TYK2: variants seen among roughly 807,000 people sequenced by gnomAD.
TYK2 encodes tyrosine kinase 2, also known as non-receptor tyrosine-protein kinase TYK2.
Under a neutral mutation model 130.9 loss-of-function variants are expected in TYK2, and 65 were observed. The observed-to-expected ratio is 0.50, with a 90% CI of 0.41 to 0.61. TYK2 has a LOEUF of 0.61. TYK2 is among the 20% of genes least tolerant of loss of function. The pLI is 0.00. For synonymous variants in TYK2, 647 were observed against 658.9 expected, an observed-to-expected ratio of 0.98 and a Z score of 0.28; for missense variants, 1,378 against 1,610.7, an observed-to-expected ratio of 0.86 and a Z score of 2.47.
In TYK2 at chr19:10,361,984, C is replaced by T; in HGVS notation, c.1774-29G>A. 1 of 1,613,974 alleles carries T rather than the reference C, an allele frequency of 6.2e-7. No individual in the cohort carries two copies. Among genetic ancestry groups the T allele is most frequent in the African/African-American group, 1.3e-5 (1 of 75,028 alleles). On this transcript the variant is annotated intron_variant, in intron 12 of 24. Coordinates refer to ENST00000525621, the MANE Select transcript of TYK2 (RefSeq NM_003331.5). The surrounding 1 kb of genome is among the most constrained non-coding windows in gnomAD (Gnocchi z 4.0). ...CGGGATCATGTGGCACAGAATACCG[C>T]CATGGTGAAAGTTAGCAGCTGATCT... is the stretch of plus-strand genomic sequence containing the variant.
Position 10,350,814 on chromosome 19 carries a change from G to A in TYK2, c.*20C>T, listed in dbSNP as rs765558684. The A allele has an allele frequency of 2.5e-6, 4 of 1,612,420 alleles. No homozygotes were observed. Among genetic ancestry groups the A allele is most frequent in the Non-Finnish European group, 3.4e-6 (4 of 1,179,942 alleles). On this transcript the variant is annotated 3_prime_UTR_variant, in exon 25 of 25. Transcript: ENST00000525621. Reference sequence around the variant, plus strand: ...GCCACTGCCTGGTCCAGTCCTCCCAGGCAGGGCTGCCATTGTGCCTCAGCA... The same window carrying A: ...GCCACTGCCTGGTCCAGTCCTCCCAAGCAGGGCTGCCATTGTGCCTCAGCA...
At chr19:10,357,741 G>C (rs746436487) in intron 17 of TYK2, 23 bp downstream of exon 17, 9 of 1,588,044 alleles carry the variant, frequency 5.7e-6, no homozygotes, top group Non-Finnish European at 6.9e-6. Context: ...TGCGGGGAGG[G>C]CCCAAGGGTC....
rs541104349 is a variant in TYK2 at position 10,362,425 on chromosome 19, C to T, written c.1508G>A (p.Arg503Gln). The T allele has an allele frequency of 1.4e-5, 23 of 1,608,262 alleles. No homozygotes were observed. The African/African-American group carries it at 1.5e-4, about 10-fold the overall frequency. ...APDGMQSLRLRKFPIEQQDGA... is the reference protein window; with the variant it reads ...APDGMQSLRLQKFPIEQQDGA... Reference sequence around the variant, plus strand: ...GTCCTGCTGCTCAATGGGGAACTTTCGGAGCCGCAAGCTCTGCATGCCGTC... The same window carrying T: ...GTCCTGCTGCTCAATGGGGAACTTTTGGAGCCGCAAGCTCTGCATGCCGTC... Residue 503 changes from arginine to glutamine, a missense_variant, in exon 11 of 25, where the codon CGA becomes CAA. Coordinates refer to ENST00000525621, the MANE Select transcript of TYK2 (RefSeq NM_003331.5).
intron 3 of TYK2, among the ~76,000 whole-genome samples, chr19:10,373,860 C>T (rs12720229): frequency 6.6e-6 from 1 of 151,990 alleles, no homozygotes; most frequent in African/African-American, 2.4e-5. Context: ...CCCCAGTCAC[C>T]CTGAAGGTCT....
Position 10,353,935 on chromosome 19 carries a change from G to T in TYK2, c.2908+107C>A. 2 of 1,224,538 alleles carry T rather than the reference G, an allele frequency of 1.6e-6. No individual in the cohort carries two copies. The highest frequency in any genetic ancestry group is 1.2e-6 in the Non-Finnish European group (1 of 847,116). The allele number at this position is 1,224,538 out of a possible 1,614,324, so 75.9% of individuals were successfully genotyped here. A position where few individuals can be genotyped will look rare whatever the true frequency, so the allele number is the denominator to read the frequency against. On this transcript the variant is annotated intron_variant, in intron 20 of 24. Coordinates refer to ENST00000525621, the MANE Select transcript of TYK2 (RefSeq NM_003331.5). This position sits in a 1 kb window ranked among gnomAD's most constrained non-coding sequence, Gnocchi z 6.9. ...CAAGAACCGCGTACTGCAGCCTGGG[G>T]TTGAGAGTCTCTAATTGGCTAGGCC...
rs1262559015 is a variant in TYK2 at position 10,365,663 on chromosome 19, C to T, written c.865G>A (p.Glu289Lys). Residue 289 changes from glutamate (E) to lysine (K), a missense_variant, in exon 7 of 25, where the codon GAG becomes AAG. Transcript: ENST00000525621. ...HLRLLAQAEG[E>K]PCYIRDSGVA... is the part of the protein sequence containing the mutation. Reference sequence around the variant, plus strand: ...CCACTGTCCCGGATGTAGCAGGGCTCCCCCTCGGCCTGGGCCAGCAGCCTC... The same window carrying T: ...CCACTGTCCCGGATGTAGCAGGGCTTCCCCTCGGCCTGGGCCAGCAGCCTC... 1 of 1,613,456 alleles carries T rather than the reference C, an allele frequency of 6.2e-7. No individual in the cohort carries two copies. Among genetic ancestry groups the T allele is most frequent in the Non-Finnish European group, 8.5e-7 (1 of 1,179,828 alleles).
At chr19:10,370,684 G>T (rs1452114670) in intron 3 of TYK2, among the ~76,000 whole-genome samples, 1 of 151,672 alleles carries the variant, frequency 6.6e-6, no homozygotes, top group South Asian at 2.1e-4. Flanking sequence ...TGGGTGTGGG[G>T]GTGAGCACCT....
chr19:10,353,795 TC>T lies in TYK2; in HGVS notation c.2909-150del. 1.5e-6 allele frequency: 1 copy of T among 687,190 alleles called. No individual in the cohort carries two copies. The highest frequency in any genetic ancestry group is 2.4e-6 in the Non-Finnish European group (1 of 413,264). 42.6% of individuals were successfully genotyped at this position (687,190 alleles called of 1,614,324 possible). On this transcript the variant is annotated intron_variant, in intron 20 of 24. Coordinates refer to ENST00000525621, the MANE Select transcript of TYK2 (RefSeq NM_003331.5). The surrounding 1 kb of genome is among the most constrained non-coding windows in gnomAD (Gnocchi z 6.9). ...CCAGTTCTCAGGTGGGATGGACCCA[TC>T]CAGAACCCCATTCTCACTTGAGGGA... is the stretch of plus-strand genomic sequence containing the variant.
At chr19:10,375,983 CAGG>C (rs1599366086) in intron 3 of TYK2, among the ~76,000 whole-genome samples, 1 of 150,130 alleles carries the variant, frequency 6.7e-6, no homozygotes, top group East Asian at 1.9e-4. Context: ...ATTTCCTGTG[CAGG>C]AGGAGGGAAA....
intron 9 of TYK2, among the ~76,000 whole-genome samples, chr19:10,363,610 C>A (rs2041514990): frequency 6.6e-6 from 1 of 152,154 alleles, no homozygotes; most frequent in African/African-American, 2.4e-5. Context: ...AAGGGTGACA[C>A]ACGGTGGATG....
Position 10,357,842 on chromosome 19 carries a change from G to C in TYK2, c.2388C>G (p.Asp796Glu). The C allele has an allele frequency of 1.2e-6, 2 of 1,613,630 alleles. No homozygotes were observed. The highest frequency in any genetic ancestry group is 1.1e-5 in the South Asian group (1 of 91,090). The change falls in exon 17 of 25, where the codon GAC becomes GAG. Residue 796 changes from aspartate to glutamate, a missense_variant. By Grantham distance (45) the Asp-to-Glu change is conservative (BLOSUM62 2). Coordinates refer to ENST00000525621, the MANE Select transcript of TYK2 (RefSeq NM_003331.5). ...GGANSLSTAM[D>E]KWGFGATLLE... Reference sequence around the variant, plus strand: ...GGAGGGTGGCGCCAAACCCCCACTTGTCCATGGCGGTGCTTAGGCTGTTGG... The same window carrying C: ...GGAGGGTGGCGCCAAACCCCCACTTCTCCATGGCGGTGCTTAGGCTGTTGG...
At position 10,358,077 on chromosome 19, in the gene TYK2, C is replaced by A; in HGVS notation, c.2237G>T (p.Gly746Val). The A allele has an allele frequency of 6.2e-7, 1 of 1,613,020 alleles. No individual in the cohort carries two copies. Among genetic ancestry groups the A allele is most frequent in the Non-Finnish European group, 8.5e-7 (1 of 1,179,810 alleles). ...CGRNILLARL[G>V]LAEGTSPFIK... ...GAAGGGGCTGGTGCCCTCTGCCAAC[C>A]CCAGCCGGGCCAGCAGGATGTTCCG... Residue 746 changes from glycine (G) to valine (V), a missense_variant, in exon 16 of 25, where the codon GGG becomes GTG. Coordinates refer to ENST00000525621, the MANE Select transcript of TYK2 (RefSeq NM_003331.5).
In TYK2 at chr19:10,353,368, GC is replaced by G. The variant is rs1469980194; in HGVS notation, c.3027+159del. Reference sequence around the variant, plus strand: ...TGGTCCCTTGGGAGGAGGGGGTGTGGCCAAGCAAGCCAAACAGTTCGGAGGT... The same window carrying G: ...TGGTCCCTTGGGAGGAGGGGGTGTGGCAAGCAAGCCAAACAGTTCGGAGGT... On this transcript the variant is annotated intron_variant, in intron 21 of 24. Transcript: ENST00000525621. The surrounding 1 kb of genome is among the most constrained non-coding windows in gnomAD (Gnocchi z 6.9). 1.7e-6 allele frequency: 1 copy of G among 600,834 alleles called. No individual in the cohort carries two copies. The highest frequency in any genetic ancestry group is 1.9e-5 in the African/African-American group (1 of 53,234). The allele number at this position is 600,834 out of a possible 1,614,324, so 37.2% of individuals were successfully genotyped here. A position where few individuals can be genotyped will look rare whatever the true frequency, so the allele number is the denominator to read the frequency against.
chr19:10,365,931 G>C, intron 6 of TYK2, 33 bp from the exon 7 acceptor site: 1 of 1,570,798 alleles, frequency 6.4e-7, no homozygotes, highest in Non-Finnish European at 8.6e-7. Context: ...GCTGGTCAGG[G>C]ACCTGGGTTG....
Position 10,364,512 on chromosome 19 carries a change from A to G in TYK2, c.1367+102T>C. 1 of 1,360,598 alleles carries G rather than the reference A, an allele frequency of 7.3e-7. No homozygotes were observed. The highest frequency in any genetic ancestry group is 1.5e-5 in the African/African-American group (1 of 68,628). 84.3% of individuals were successfully genotyped at this position (1,360,598 alleles called of 1,614,324 possible). A position where few individuals can be genotyped will look rare whatever the true frequency, so the allele number is the denominator to read the frequency against. The stretch of plus-strand genomic sequence containing the variant: ...TTGGGCGACAAAAAATAAAAAAAAA[A>G]TAAGACGTGCACCTACACACACACC... On this transcript the variant is annotated intron_variant, in intron 9 of 24. Coordinates refer to ENST00000525621, the MANE Select transcript of TYK2 (RefSeq NM_003331.5). The surrounding 1 kb of genome is among the most constrained non-coding windows in gnomAD (Gnocchi z 4.9).
Position 10,359,617 on chromosome 19 carries a change from A to G in TYK2, c.2048-315T>C, listed in dbSNP as rs12720293. On this transcript the variant is annotated intron_variant, in intron 14 of 24. Coordinates refer to ENST00000525621, the MANE Select transcript of TYK2 (RefSeq NM_003331.5). ...TCCCAGCACTTTGGGAGGCTGAGGC[A>G]GGTGGATCACCTGAGGTCAGGAGTT... Among the ~76,000 whole-genome samples, 18,090 of 150,596 alleles carry G rather than the reference A, an allele frequency of 0.12. 1,385 individuals carry two copies. The highest frequency in any genetic ancestry group is 0.21 in the African/African-American group (8,446 of 40,880).
Position 10,352,848 on chromosome 19 carries a change from T to C in TYK2, c.3200+78A>G. On this transcript the variant is annotated intron_variant, in intron 22 of 24. Coordinates refer to ENST00000525621, the MANE Select transcript of TYK2 (RefSeq NM_003331.5). ...TCACTGGGATCATGCCCTATCATGA[T>C]ACCCAGCATCCGTCTACTCCACCCT... 4 of 1,489,696 alleles carry C rather than the reference T, an allele frequency of 2.7e-6. No individual in the cohort carries two copies. In the South Asian group the frequency reaches 5.1e-5, roughly 19 times the overall value. 92.3% of individuals were successfully genotyped at this position (1,489,696 alleles called of 1,614,324 possible). A position where few individuals can be genotyped will look rare whatever the true frequency, so the allele number is the denominator to read the frequency against.
intron 19 of TYK2, 64 bp from the exon 20 acceptor site, chr19:10,354,298 G>A: frequency 1.3e-6 from 2 of 1,575,986 alleles, no homozygotes; most frequent in Non-Finnish European, 1.7e-6. Flanking sequence ...CCCAACCCCC[G>A]ATTTCCCGGG....
chr19:10,357,110 C>T (rs548213735), intron 17 of TYK2: 16 of 384,332 alleles, frequency 4.2e-5, no homozygotes, highest in African/African-American at 1.2e-4. Flanking sequence ...CTTCTGGGGC[C>T]GGGCACTGTG....
Sources: allele counts gnomAD v4.1 joint callset (sites outside exome capture counted in the v4.1 genomes callset), GRCh38; gene constraint gnomAD v4.1.1; non-coding constraint Gnocchi (gnomAD v3.1); transcripts MANE v1.5; gene names NCBI Gene and HGNC (gene_info 2026-07-23, HGNC 2026-07-21).